PRKD2: variants seen among roughly 807,000 people sequenced by gnomAD.
The protein encoded by PRKD2 is serine/threonine-protein kinase D2.
A neutral mutation model predicts 86.0 loss-of-function variants in PRKD2; 22 were observed. The ratio of observed to expected loss-of-function variants is 0.26; its 90% CI spans 0.18 to 0.37. PRKD2 has a LOEUF of 0.37. Among genes scored for constraint, PRKD2 ranks in the 10% least tolerant of loss-of-function variants. PRKD2 has a pLI of 1.00. For missense variants in PRKD2, 818 were observed against 1,199.2 expected (o/e 0.68, Z 4.70); for synonymous variants, 509 against 510.9 (o/e 1.00, Z 0.05).
chr19:46,683,613 G>A (rs2053348103), intron 14 of PRKD2, among the ~76,000 whole-genome samples: 1 of 152,048 alleles, frequency 6.6e-6, no homozygotes, highest in African/African-American at 2.4e-5. Context: ...AGCTACTCGG[G>A]AGGCTGAGGC....
intron 1 of PRKD2, chr19:46,714,488 G>GGGGGGGC (rs1262083696): frequency 1.7e-5 from 2 of 120,032 alleles, no homozygotes; most frequent in Non-Finnish European, 3.6e-5. Flanking sequence ...GGGGGGGGGG[G>GGGGGGGC]CCGGGGGACT....
chr19:46,714,009 G>A lies in PRKD2; in HGVS notation c.241-8C>T. On this transcript the variant is annotated splice_polypyrimidine_tract_variant and splice_region_variant and intron_variant, in intron 1 of 17. Coordinates refer to ENST00000291281, the MANE Select transcript of PRKD2 (RefSeq NM_016457.5). ...GAAGCCACACTCAGGGAACTGAGGG[G>A]CGGGAGAGGGATGTGGCGACGGAAA... The A allele has an allele frequency of 6.2e-7, 1 of 1,612,694 alleles. No homozygotes were observed. The highest frequency in any genetic ancestry group is 1.7e-5 in the Admixed American group (1 of 59,988).
intron 8 of PRKD2, 162 bp from the exon 9 acceptor site, chr19:46,697,396 C>G (rs572763122): frequency 1.6e-6 from 1 of 608,416 alleles, no homozygotes; most frequent in African/African-American, 1.9e-5. Context: ...CGCCCTAACC[C>G]CAGCCCCGCC....
At chr19:46,707,427 T>C (rs2053730007) in intron 3 of PRKD2, among the ~76,000 whole-genome samples, 1 of 151,624 alleles carries the variant, frequency 6.6e-6, no homozygotes, top group Non-Finnish European at 1.5e-5. Flanking sequence ...CCCCGTCTAC[T>C]AAAAATACAA....
At position 46,681,839 on chromosome 19, in the gene PRKD2, C is replaced by CTT. The variant is rs551472575; in HGVS notation, c.1972-93_1972-92dup. On this transcript the variant is annotated intron_variant, in intron 14 of 17. Coordinates refer to ENST00000291281, the MANE Select transcript of PRKD2 (RefSeq NM_016457.5). ...AGCCAGCCCTCCAAACCCATCCATA[C>CTT]TTTTTTTTTTTTTTTTTTGAGACAG... is the stretch of plus-strand genomic sequence containing the variant. 8.6e-3 allele frequency: 4,149 copies of CTT among 482,750 alleles called. 1 individual carries two copies. The highest frequency in any genetic ancestry group is 0.011 in the Middle Eastern group (19 of 1,676). The allele number at this position is 482,750 out of a possible 1,614,324, so 29.9% of individuals were successfully genotyped here.
chr19:46,692,091 C>A, intron 10 of PRKD2, 106 bp from the exon 11 acceptor site: 1 of 1,112,950 alleles, frequency 9.0e-7, no homozygotes, highest in Non-Finnish European at 1.4e-6. Flanking sequence ...GATTTGAATC[C>A]AATGTTCGAT....
intron 5 of PRKD2, among the ~76,000 whole-genome samples, chr19:46,702,032 TTTTTTG>T (rs2053643156): frequency 1.7e-5 from 2 of 120,514 alleles, no homozygotes; most frequent in Non-Finnish European, 3.4e-5. Context: ...TATGATTCTG[TTTTTTG>T]TTTTTTTTTT....
chr19:46,691,453 G>GAATCTACCTTCCCTATCCAATCAA (rs2053482714), intron 12 of PRKD2, among the ~76,000 whole-genome samples: 3 of 152,156 alleles, frequency 2.0e-5, no homozygotes, highest in Non-Finnish European at 4.4e-5. Flanking sequence ...TCAGAGTGCA[G>GAATCTACCTTCCCTATCCAATCAA]AATCTACCTT....
intron 16 of PRKD2, among the ~76,000 whole-genome samples, chr19:46,675,945 T>A (rs2053194825): frequency 6.6e-6 from 1 of 151,224 alleles, no homozygotes; most frequent in South Asian, 2.1e-4. Context: ...AATTTTTGTA[T>A]TTTTTGTAGA....
Position 46,710,823 on chromosome 19 carries a change from G to C in PRKD2, c.511+84C>G. 4 of 1,384,330 alleles carry C rather than the reference G, an allele frequency of 2.9e-6. No individual in the cohort carries two copies. In the Admixed American group the frequency reaches 9.6e-5, roughly 33 times the overall value. The allele number at this position is 1,384,330 out of a possible 1,614,324, so 85.8% of individuals were successfully genotyped here. A position where few individuals can be genotyped will look rare whatever the true frequency, so the allele number is the denominator to read the frequency against. Reference sequence around the variant, plus strand: ...TCTGAGACCCGCTCCTCCTCCCCACGCTGTCCCCGTGCCAGGACCATTACG... The same window carrying C: ...TCTGAGACCCGCTCCTCCTCCCCACCCTGTCCCCGTGCCAGGACCATTACG... On this transcript the variant is annotated intron_variant, in intron 3 of 17. Transcript: ENST00000291281.
rs899787643 is a variant in PRKD2 at position 46,693,778 on chromosome 19, C to A, written c.1576+97G>T. The A allele has an allele frequency of 2.0e-6, 3 of 1,481,678 alleles. No homozygotes were observed. The highest frequency in any genetic ancestry group is 2.7e-6 in the Non-Finnish European group (3 of 1,111,908). The allele number at this position is 1,481,678 out of a possible 1,614,324, so 91.8% of individuals were successfully genotyped here. On this transcript the variant is annotated intron_variant, in intron 10 of 17. Coordinates refer to ENST00000291281, the MANE Select transcript of PRKD2 (RefSeq NM_016457.5). The surrounding 1 kb of genome is among the most constrained non-coding windows in gnomAD (Gnocchi z 4.5). ...TCCAGAAGCTGCGTTCTCAACCCCACCATTGCCCACTTTCCTCTTTGGCCC... is the reference window on the plus strand; with the variant it reads ...TCCAGAAGCTGCGTTCTCAACCCCAACATTGCCCACTTTCCTCTTTGGCCC...
intron 1 of PRKD2, among the ~76,000 whole-genome samples, chr19:46,714,936 G>C (rs1010507560): frequency 2.6e-5 from 4 of 152,190 alleles, no homozygotes; most frequent in African/African-American, 9.7e-5. Flanking sequence ...CCCTTGGGAA[G>C]TTTTTCTCTA....
Position 46,675,114 on chromosome 19 carries a change from A to G in PRKD2, c.2343T>C (p.Ile781=), listed in dbSNP as rs1233532170. The part of the protein sequence containing the change: ...SPWSHISAGA[I]DLINNLLQVK... ...CCTGCAGCAGGTTGTTGATGAGGTC[A>G]ATGGCTGCACAGGAAAGAGAAACAG... Residue 781 remains isoleucine (I), a synonymous_variant, in exon 17 of 18, where the codon ATT becomes ATC. Transcript: ENST00000291281. 4 of 1,609,476 alleles carry G rather than the reference A, an allele frequency of 2.5e-6. No homozygotes were observed. In the Admixed American group the frequency reaches 5.0e-5, roughly 20 times the overall value.
chr19:46,702,031 G>GT (rs869150137), intron 5 of PRKD2, among the ~76,000 whole-genome samples: 2,969 of 121,970 alleles, frequency 0.024, 81 homozygotes, highest in Middle Eastern at 0.053. Context: ...CTATGATTCT[G>GT]TTTTTTGTTT....
rs115450990 is a variant in PRKD2 at position 46,694,153 on chromosome 19, C to T, written c.1318-20G>A. ...AATTTCCTGCAGGACGTGGAACCAGCACAGGTGAGGATGCCAGGCAGACCT... is the reference window on the plus strand; with the variant it reads ...AATTTCCTGCAGGACGTGGAACCAGTACAGGTGAGGATGCCAGGCAGACCT... On this transcript the variant is annotated intron_variant, in intron 9 of 17. Transcript: ENST00000291281. The T allele has an allele frequency of 6.2e-7, 1 of 1,610,174 alleles. No individual in the cohort carries two copies. The highest frequency in any genetic ancestry group is 1.3e-5 in the African/African-American group (1 of 75,008).
intron 2 of PRKD2, among the ~76,000 whole-genome samples, 195 bp from the exon 3 acceptor site, chr19:46,711,233 T>C (rs995907087): frequency 2.4e-4 from 36 of 152,096 alleles, no homozygotes; most frequent in African/African-American, 8.2e-4. Flanking sequence ...CATATATCCC[T>C]ACGCCCTGGG....
intron 3 of PRKD2, chr19:46,710,663 T>A: frequency 1.6e-5 from 7 of 429,680 alleles, no homozygotes; most frequent in East Asian, 3.7e-5. Context: ...AAGCCCCTAC[T>A]TGTCCCTCCC....
At chr19:46,712,976 G>A (rs549415823) in intron 2 of PRKD2, among the ~76,000 whole-genome samples, 5 of 151,868 alleles carry the variant, frequency 3.3e-5, no homozygotes, top group Admixed American at 6.6e-5. Context: ...TAGCATTTTC[G>A]TGGCAGGAGC....
At chr19:46,714,048 C>CT in intron 1 of PRKD2, 47 bp from the exon 2 acceptor site, 2 of 1,596,416 alleles carry the variant, frequency 1.3e-6, no homozygotes, top group South Asian at 2.2e-5. Flanking sequence ...TCAGAGCCGC[C>CT]TTCAGCAGCG....
Sources: gnomAD v4.1 joint callset for allele counts (sites outside exome capture counted in the v4.1 genomes callset) on GRCh38, gnomAD v4.1.1 for gene constraint, Gnocchi (gnomAD v3.1) non-coding constraint, MANE v1.5 for transcripts, NCBI Gene and HGNC (gene_info 2026-07-23, HGNC 2026-07-21) for gene names.